The following SCUBE2 variants were observed in gnomAD, a reference collection of about 807,000 sequenced individuals.
The protein encoded by SCUBE2 is signal peptide, CUB domain and EGF like domain containing 2, also known as signal peptide, CUB and EGF-like domain-containing protein 2.
In SCUBE2, 114 loss-of-function variants were observed where a neutral mutation model predicts 125.9. The ratio of observed to expected loss-of-function variants is 0.91; its 90% CI spans 0.78 to 1.06. SCUBE2 has a LOEUF of 1.06. SCUBE2 is among the 50% of genes least tolerant of loss of function. The pLI is 0.00. For synonymous variants in SCUBE2, 459 were observed against 492.9 expected, an observed-to-expected ratio of 0.93 and a Z score of 0.91; for missense variants, 1,255 against 1,301.8, an observed-to-expected ratio of 0.96 and a Z score of 0.55.
intron 12 of SCUBE2, 46 bp downstream of exon 12, chr11:9,053,053 C>A (rs1858585396): frequency 6.5e-7 from 1 of 1,526,838 alleles, no homozygotes; most frequent in Admixed American, 1.7e-5. Flanking sequence ...CCAGAGAGGC[C>A]TGGCCCCAGT....
intron 2 of SCUBE2, among the ~76,000 whole-genome samples, chr11:9,083,130 T>C (rs79283269): frequency 0.013 from 1,943 of 151,758 alleles, 19 homozygotes; most frequent in Non-Finnish European, 0.022. Context: ...ATGAATACAA[T>C]TAATTGTATA....
Position 9,089,706 on chromosome 11 carries a change from C to T in SCUBE2, c.256+1G>A. 6.2e-7 allele frequency: 1 copy of T among 1,613,392 alleles called. No homozygotes were observed. Among genetic ancestry groups the T allele is most frequent in the Non-Finnish European group, 8.5e-7 (1 of 1,179,596 alleles). On this transcript the variant is annotated splice_donor_variant, in intron 2 of 22. Coordinates refer to ENST00000649792, the MANE Select transcript of SCUBE2 (RefSeq NM_001367977.2). LOFTEE classifies it high-confidence loss of function. ...CCCCACATGGTCCCCAAGGCACTTACCCTCACACTGCCTGCCTTCCCCTTG... is the reference window on the plus strand; with the variant it reads ...CCCCACATGGTCCCCAAGGCACTTATCCTCACACTGCCTGCCTTCCCCTTG...
chr11:9,030,048 G>A lies in SCUBE2; in HGVS notation c.2342-3C>T. ...GAAATGTCCAGGTGAACATTGAACTGTGGGTCAAGGGAGGGTGAAAAGAAT... is the reference window on the plus strand; with the variant it reads ...GAAATGTCCAGGTGAACATTGAACTATGGGTCAAGGGAGGGTGAAAAGAAT... On this transcript the variant is annotated splice_region_variant and splice_polypyrimidine_tract_variant and intron_variant, in intron 18 of 22. Transcript: ENST00000649792. 1 of 1,613,208 alleles carries A rather than the reference G, an allele frequency of 6.2e-7. No homozygotes were observed. The highest frequency in any genetic ancestry group is 8.5e-7 in the Non-Finnish European group (1 of 1,179,200).
At chr11:9,068,264 T>C (rs774808426) in intron 5 of SCUBE2, among the ~76,000 whole-genome samples, 5 of 152,202 alleles carry the variant, frequency 3.3e-5, no homozygotes, top group Non-Finnish European at 7.3e-5. Context: ...TCCTCAGTGC[T>C]TCCCCTGGCA....
intron 2 of SCUBE2, among the ~76,000 whole-genome samples, chr11:9,089,414 T>C (rs188592259): frequency 2.2e-4 from 33 of 152,332 alleles, no homozygotes; most frequent in African/African-American, 7.9e-4. Flanking sequence ...ATGTTTACTT[T>C]CTGCCCCAAA....
chr11:9,060,403 G>A lies in SCUBE2; in HGVS notation c.967+5C>T, dbSNP rs778005990. ...ACCCAGTCTCCCTGGGGAGGTGAAG[G>A]CTACCTTTACATGTCTTCCCATCCA... On this transcript the variant is annotated splice_donor_5th_base_variant and intron_variant, in intron 8 of 22. Coordinates refer to ENST00000649792, the MANE Select transcript of SCUBE2 (RefSeq NM_001367977.2). The A allele has an allele frequency of 3.1e-6, 5 of 1,609,306 alleles. No individual in the cohort carries two copies. Among genetic ancestry groups the A allele is most frequent in the African/African-American group, 2.7e-5 (2 of 74,850 alleles).
intron 21 of SCUBE2, among the ~76,000 whole-genome samples, chr11:9,022,981 C>T (rs958773033): frequency 6.6e-6 from 1 of 151,954 alleles, no homozygotes; most frequent in African/African-American, 2.4e-5. Context: ...TTTGGCTGGT[C>T]GGGGAGGAAG....
chr11:9,052,207 T>C (rs563469837), intron 13 of SCUBE2, among the ~76,000 whole-genome samples: 76 of 152,366 alleles, frequency 5.0e-4, no homozygotes, highest in Middle Eastern at 3.4e-3. Context: ...GCTTTGCTCA[T>C]ATATGTAATA....
Position 9,074,468 on chromosome 11 carries a change from T to C in SCUBE2, c.517+13A>G, listed in dbSNP as rs375344065. On this transcript the variant is annotated intron_variant, in intron 4 of 22. Transcript: ENST00000649792. ...ATGTGGCTCTGCCCCCATCCACAGCTGGGCAGAGGTACCTTCCGAGCGGTG... is the reference window on the plus strand; with the variant it reads ...ATGTGGCTCTGCCCCCATCCACAGCCGGGCAGAGGTACCTTCCGAGCGGTG... 429 of 1,614,012 alleles carry C rather than the reference T, an allele frequency of 2.7e-4. No homozygotes were observed. In the African/African-American group the frequency reaches 4.1e-3, roughly 15 times the overall value.
chr11:9,048,194 C>G (rs1055677621), intron 14 of SCUBE2, 96 bp from the exon 15 acceptor site: 2 of 1,216,888 alleles, frequency 1.6e-6, no homozygotes, highest in Non-Finnish European at 2.3e-6. Context: ...TAAAACAACT[C>G]TCAAGGGACT....
At chr11:9,037,673 A>G (rs1263148564) in intron 16 of SCUBE2, among the ~76,000 whole-genome samples, 6 of 152,238 alleles carry the variant, frequency 3.9e-5, no homozygotes, top group Non-Finnish European at 8.8e-5. Flanking sequence ...AGTTGGCCTC[A>G]GGATCCTGGT....
rs750707999 is a variant in SCUBE2, at chr11:9,021,091, C to T, written c.3041G>A (p.Arg1014Gln). The change falls in exon 23 of 23, where the codon CGA becomes CAA. Residue 1014 changes from arginine (R) to glutamine (Q), a missense_variant. This residue lies in a region of SCUBE2 where 515 missense variants were observed against 515.7 expected (regional missense o/e 1.00). Transcript: ENST00000649792. ...SREMFPRSFI[R>Q]LLRSKVSRFL... is the part of the protein sequence containing the mutation. ...CCTGGACACTTTGGAACGTAGCAAT[C>T]GGATGAACGATCTTGGAAACATCTC... The T allele has an allele frequency of 6.8e-6, 11 of 1,613,490 alleles. No individual in the cohort carries two copies. The highest frequency in any genetic ancestry group is 5.5e-5 in the South Asian group (5 of 90,924).
Position 9,083,555 on chromosome 11 carries a change from AT to A in SCUBE2, c.257-4047del, listed in dbSNP as rs530803242. On this transcript the variant is annotated intron_variant, in intron 2 of 22. Coordinates refer to ENST00000649792, the MANE Select transcript of SCUBE2 (RefSeq NM_001367977.2). Reference sequence around the variant, plus strand: ...AATAAGCAAAGAGAGAATAGAATGAATTTTTTTTTTTTTTTTTGAGATGGAG... The same window carrying A: ...AATAAGCAAAGAGAGAATAGAATGAATTTTTTTTTTTTTTTTGAGATGGAG... Among the ~76,000 whole-genome samples the A allele has an allele frequency of 8.2e-3, 1,144 of 139,758 alleles. 4 individuals are homozygous for A. The highest frequency in any genetic ancestry group is 0.017 in the East Asian group (84 of 4,906). 91.7% of individuals were successfully genotyped at this position (139,758 alleles called of 152,430 possible).
rs1315163115 is a variant in SCUBE2 at position 9,025,815 on chromosome 11, G to A, written c.2741C>T (p.Thr914Ile). Reference sequence around the variant, plus strand: ...GGTGAAGGCGATGGGGCGTTCGTAGGTCTGGCAGGTTTCATATGTTGTCAC... The same window carrying A: ...GGTGAAGGCGATGGGGCGTTCGTAGATCTGGCAGGTTTCATATGTTGTCAC... ...NSVTTYETCQ[T>I]YERPIAFTSR... Residue 914 changes from threonine to isoleucine, a missense_variant, in exon 21 of 23, where the codon ACC (threonine) becomes ATC (isoleucine). Thr to Ile is a moderately conservative substitution (Grantham distance 89). Coordinates refer to ENST00000649792, the MANE Select transcript of SCUBE2 (RefSeq NM_001367977.2). 2 of 1,613,966 alleles carry A rather than the reference G, an allele frequency of 1.2e-6. No homozygotes were observed. The highest frequency in any genetic ancestry group is 1.3e-5 in the African/African-American group (1 of 74,910).
Position 9,026,047 on chromosome 11 carries a change from G to A in SCUBE2, c.2702-193C>T. 1.6e-5 allele frequency: 9 copies of A among 565,966 alleles called. No homozygotes were observed. In the South Asian group the frequency reaches 2.1e-4, roughly 13 times the overall value. 35.1% of individuals were successfully genotyped at this position (565,966 alleles called of 1,614,324 possible). A position where few individuals can be genotyped will look rare whatever the true frequency, so the allele number is the denominator to read the frequency against. On this transcript the variant is annotated intron_variant, in intron 20 of 22. Transcript: ENST00000649792. The stretch of plus-strand genomic sequence containing the variant: ...TCAGCTGGTAATTGTGGACCCCCAG[G>A]GGAGGCTACACCTGAAAGACCTGGG...
intron 13 of SCUBE2, 104 bp from the exon 14 acceptor site, chr11:9,050,814 G>A: frequency 1.2e-6 from 1 of 856,586 alleles, no homozygotes; most frequent in South Asian, 1.4e-5. Flanking sequence ...ACCACACACA[G>A]CACACCCTGA....
chr11:9,023,522 G>A (rs2135003505), intron 21 of SCUBE2, among the ~76,000 whole-genome samples: 1 of 152,170 alleles, frequency 6.6e-6, no homozygotes, highest in Non-Finnish European at 1.5e-5. Flanking sequence ...CTAGACAGCT[G>A]TTTGCCACTC....
At chr11:9,053,614 G>A in intron 11 of SCUBE2, 23 bp downstream of exon 11, 1 of 1,612,500 alleles carries the variant, frequency 6.2e-7, no homozygotes, top group South Asian at 1.1e-5. Context: ...TGCTGTCTGA[G>A]TCTGTGCCTC....
chr11:9,066,020 G>A, intron 6 of SCUBE2, 40 bp from the exon 7 acceptor site: 2 of 1,403,208 alleles, frequency 1.4e-6, no homozygotes, highest in Admixed American at 1.7e-5. Flanking sequence ...CAGACTGAAT[G>A]AGTTAGATTG....
Sources: allele counts gnomAD v4.1 joint callset (sites outside exome capture counted in the v4.1 genomes callset), GRCh38; gene constraint gnomAD v4.1.1; regional missense constraint gnomAD v4.1.1; transcripts MANE v1.5; gene names NCBI Gene and HGNC (gene_info 2026-07-23, HGNC 2026-07-21).